The following FER variants were observed in gnomAD, a reference collection of about 807,000 sequenced individuals.
The protein encoded by FER is tyrosine-protein kinase Fer.
Under a neutral mutation model 111.0 loss-of-function variants are expected in FER, and 63 were observed. That is an observed-to-expected ratio of 0.57 (90% CI 0.46 to 0.70). FER has a LOEUF of 0.70. Among genes scored for constraint, FER ranks in the 30% least tolerant of loss-of-function variants. FER has a pLI of 0.00. For synonymous variants in FER, 327 were observed against 313.9 expected, an observed-to-expected ratio of 1.04 and a Z score of -0.44; for missense variants, 914 against 954.0, an observed-to-expected ratio of 0.96 and a Z score of 0.55.
intron 13 of FER, among the ~76,000 whole-genome samples, chr5:108,959,762 AT>A: frequency 6.6e-6 from 1 of 152,206 alleles, no homozygotes; most frequent in Non-Finnish European, 1.5e-5. Context: ...ATTATAAGAT[AT>A]TGGAACTATT....
rs927587214 is a variant in FER, at chr5:108,822,980, C to T, written c.208-9790C>T. 2.0e-5 allele frequency among the ~76,000 whole-genome samples: 3 copies of T among 152,100 alleles called. 1 individual carries two copies. Among genetic ancestry groups the T allele is most frequent in the African/African-American group, 7.2e-5 (3 of 41,500 alleles). The stretch of plus-strand genomic sequence containing the variant: ...CTGCCTCTTGGGTTCAAGTGATTCT[C>T]CTGCCTCAGCCTCCTGAGTAGCTGG... On this transcript the variant is annotated intron_variant, in intron 3 of 19. Transcript: ENST00000281092.
At chr5:108,839,786 C>A (rs755498296) in intron 5 of FER, among the ~76,000 whole-genome samples, 4 of 151,846 alleles carry the variant, frequency 2.6e-5, no homozygotes, top group African/African-American at 4.8e-5. Context: ...ACTGTGTTAG[C>A]CAGGATGGTC....
At chr5:109,124,249 C>G (rs1344376876) in intron 17 of FER, among the ~76,000 whole-genome samples, 1 of 152,064 alleles carries the variant, frequency 6.6e-6, no homozygotes, top group Admixed American at 6.5e-5. Context: ...TTAAAAGGGA[C>G]AAAAAACTAG....
intron 17 of FER, chr5:109,177,470 G>C (rs1295795519): frequency 2.5e-4 from 38 of 151,286 alleles, no homozygotes; most frequent in Admixed American, 2.5e-3. Flanking sequence ...TAACAGCATT[G>C]CAAAGGAGAA....
At chr5:109,043,218 G>A (rs982224581) in intron 14 of FER, among the ~76,000 whole-genome samples, 7 of 152,304 alleles carry the variant, frequency 4.6e-5, no homozygotes, top group South Asian at 4.2e-4. Context: ...AAGCTGAATC[G>A]TAAGTGCTTT....
rs1424071368 is a variant in FER, at chr5:108,759,917, G to A, written c.-205-8176G>A. On this transcript the variant is annotated intron_variant, in intron 1 of 19. Coordinates refer to ENST00000281092, the MANE Select transcript of FER (RefSeq NM_005246.4). ...ATTCAAACTATAGCAACTGGAAGAG[G>A]GAAAAAGGGGAAACAGCCCACAGAG... 4.6e-5 allele frequency among the ~76,000 whole-genome samples: 7 copies of A among 152,088 alleles called. No individual in the cohort carries two copies. The East Asian group carries it at 1.3e-3, about 29-fold the overall frequency.
chr5:109,023,851 G>C (rs991783092), intron 13 of FER, among the ~76,000 whole-genome samples: 1 of 152,078 alleles, frequency 6.6e-6, no homozygotes, highest in Non-Finnish European at 1.5e-5. Context: ...CAAGGTGCTA[G>C]GAGTAGAACA....
chr5:108,905,043 A>G (rs1750556673), intron 10 of FER, among the ~76,000 whole-genome samples: 1 of 152,088 alleles, frequency 6.6e-6, no homozygotes, highest in Admixed American at 6.6e-5. Flanking sequence ...TATGATTATA[A>G]TCATTTTCCA....
chr5:109,017,847 G>T (rs2149821085), intron 13 of FER, among the ~76,000 whole-genome samples: 1 of 151,928 alleles, frequency 6.6e-6, no homozygotes, highest in East Asian at 1.9e-4. Context: ...CCTCAATTAT[G>T]AGAACTAATG....
At chr5:108,926,389 A>T in intron 10 of FER, among the ~76,000 whole-genome samples, 1 of 152,032 alleles carries the variant, frequency 6.6e-6, no homozygotes, top group Non-Finnish European at 1.5e-5. Context: ...AGTAGAAAAG[A>T]TTACAGTTTT....
At chr5:109,065,865 T>G (rs3797834) in intron 16 of FER, among the ~76,000 whole-genome samples, 1 of 152,162 alleles carries the variant, frequency 6.6e-6, no homozygotes, top group South Asian at 2.1e-4. Flanking sequence ...AGAGAGAATA[T>G]GATTGAGAGC....
intron 2 of FER, among the ~76,000 whole-genome samples, chr5:108,781,949 A>G (rs960639053): frequency 1.3e-5 from 2 of 151,636 alleles, no homozygotes; most frequent in Non-Finnish European, 2.9e-5. Flanking sequence ...CCTGTCATAC[A>G]TACTGTGAGA....
chr5:109,077,031 C>T (rs1402099190), intron 16 of FER, among the ~76,000 whole-genome samples: 3 of 152,248 alleles, frequency 2.0e-5, no homozygotes, highest in Admixed American at 2.0e-4. Flanking sequence ...ACATCTCTTA[C>T]ACTTGTCTGC....
chr5:109,073,958 C>G (rs138571619), intron 16 of FER, among the ~76,000 whole-genome samples: 1 of 151,960 alleles, frequency 6.6e-6, no homozygotes, highest in Non-Finnish European at 1.5e-5. Context: ...GTAAAAGAAT[C>G]ATTACCTAAA....
In FER at chr5:108,832,850, T is replaced by A. The variant is rs774725200; in HGVS notation, c.288T>A (p.Pro96=). 5 of 1,609,816 alleles carry A rather than the reference T, an allele frequency of 3.1e-6. No individual in the cohort carries two copies. The highest frequency in any genetic ancestry group is 4.2e-6 in the Non-Finnish European group (5 of 1,177,510). The change falls in exon 4 of 20, where the codon CCT becomes CCA. Residue 96 remains proline, a synonymous_variant. Transcript: ENST00000281092. The part of the protein sequence containing the change: ...KTHAEDLNSG[P]LHRLTMMIKD... ...ATGCAGAGGACTTGAACTCTGGACC[T>A]TTACACAGGCTCACCATGATGATTA...
In FER at chr5:108,927,252, C is replaced by CTTTTTT. The variant is rs766702172; in HGVS notation, c.1237-18864_1237-18859dup. Among the ~76,000 whole-genome samples, 326 of 94,440 alleles carry CTTTTTT rather than the reference C, an allele frequency of 3.5e-3. 27 individuals are homozygous for CTTTTTT. Among genetic ancestry groups the CTTTTTT allele is most frequent in the African/African-American group, 9.6e-3 (164 of 17,028 alleles). The allele number at this position is 94,440 out of a possible 152,430, so 62.0% of individuals were successfully genotyped here. A position where few individuals can be genotyped will look rare whatever the true frequency, so the allele number is the denominator to read the frequency against. ...TGTAATTCAGCATTGAGAAGTGGCT[C>CTTTTTT]TTTTTTTTTTTTTTTTTTTGAGACG... On this transcript the variant is annotated intron_variant, in intron 10 of 19. Transcript: ENST00000281092.
chr5:109,010,632 T>C (rs1766141548), intron 13 of FER, among the ~76,000 whole-genome samples: 2 of 152,184 alleles, frequency 1.3e-5, no homozygotes, highest in South Asian at 4.1e-4. Flanking sequence ...ACATCTTCTC[T>C]TCCCTTCCTG....
intron 2 of FER, among the ~76,000 whole-genome samples, chr5:108,789,948 C>T (rs891236569): frequency 6.6e-6 from 1 of 152,120 alleles, no homozygotes; most frequent in African/African-American, 2.4e-5. Context: ...ATTGTTATTA[C>T]AATGCATTTA....
chr5:108,976,035 C>G (rs1021383941), intron 13 of FER, among the ~76,000 whole-genome samples: 3 of 152,070 alleles, frequency 2.0e-5, no homozygotes, highest in Admixed American at 6.5e-5. Flanking sequence ...CTCAGGGCCA[C>G]AGATATAGAT....
Sources: allele counts gnomAD v4.1 joint callset (sites outside exome capture counted in the v4.1 genomes callset), GRCh38; gene constraint gnomAD v4.1.1; transcripts MANE v1.5; gene names NCBI Gene and HGNC (gene_info 2026-07-23, HGNC 2026-07-21).